The following ZNF385A variants were observed in gnomAD, a reference collection of about 807,000 sequenced individuals.
The protein encoded by ZNF385A is zinc finger protein 385A, also known as hematopoietic zinc finger protein.
A neutral mutation model predicts 32.1 loss-of-function variants in ZNF385A; 14 were observed. The observed-to-expected ratio is 0.44, with a 90% confidence interval of 0.29 to 0.68. ZNF385A has a LOEUF of 0.68. ZNF385A is among the 30% of genes least tolerant of loss of function. The pLI, the probability that ZNF385A is intolerant of heterozygous loss-of-function variation, is 0.14. For synonymous variants in ZNF385A, 197 were observed against 202.7 expected, an observed-to-expected ratio of 0.97 and a Z score of 0.24; for missense variants, 406 against 478.4, an observed-to-expected ratio of 0.85 and a Z score of 1.41.
At chr12:54,380,683 C>T (rs1360769858) in intron 1 of ZNF385A, among the ~76,000 whole-genome samples, 6 of 152,204 alleles carry the variant, frequency 3.9e-5, no homozygotes, top group African/African-American at 9.7e-5. Flanking sequence ...TGCACGTTCC[C>T]GAAGGCTAAG....
At chr12:54,385,896 G>A (rs1035596600), upstream of ZNF385A, 1 of 153,470 alleles carries the variant, frequency 6.5e-6, no homozygotes, top group East Asian at 1.9e-4. Flanking sequence ...GAGGCGACAG[G>A]GAGGGGGTGG....
At chr12:54,388,796 G>C (rs1225071168), upstream of ZNF385A, among the ~76,000 whole-genome samples, 1 of 152,140 alleles carries the variant, frequency 6.6e-6, no homozygotes, top group Non-Finnish European at 1.5e-5. Flanking sequence ...TTGAGGGCGG[G>C]GGTGGGAGGA....
At chr12:54,391,289 G>A (rs1955635829) in exon 1 of ZNF385A, 1 of 1,350,974 alleles carries the variant, frequency 7.4e-7, no homozygotes, top group Non-Finnish European at 9.6e-7. Flanking sequence ...TCTGTCCCGG[G>A]GGCCGTTCTG....
chr12:54,370,989 C>T lies in ZNF385A; in HGVS notation c.712G>A (p.Asp238Asn), dbSNP rs902502019. 18 of 1,614,182 alleles carry T rather than the reference C, an allele frequency of 1.1e-5. No homozygotes were observed. Among genetic ancestry groups the T allele is most frequent in the Non-Finnish European group, 1.5e-5 (18 of 1,180,030 alleles). The change falls in exon 5 of 7, where the codon GAC becomes AAC. Residue 238 changes from aspartate to asparagine, a missense_variant. Transcript: ENST00000394313. This position sits in a 1 kb window ranked among gnomAD's most constrained non-coding sequence, Gnocchi z 5.5. ...TPGEPEAPAQ[D>N]RTFHCEICNV... ...CAGATCTCACAGTGGAAAGTTCGGT[C>T]CTGGGCAGGAGCCTCTGGTTCCCCC...
chr12:54,371,402 G>A, intron 4 of ZNF385A, 71 bp downstream of exon 4: 1 of 1,554,742 alleles, frequency 6.4e-7, no homozygotes, highest in Non-Finnish European at 8.6e-7. Context: ...TGGAAGCCAG[G>A]GGCATTAGGA....
upstream of ZNF385A, among the ~76,000 whole-genome samples, chr12:54,387,290 G>A (rs1382144654): frequency 1.3e-5 from 2 of 152,184 alleles, no homozygotes; most frequent in South Asian, 2.1e-4. Flanking sequence ...GGAGGGGAGG[G>A]GAGTGGAGTG....
rs1028750392 is a variant in ZNF385A at position 54,371,055 on chromosome 12, C to T, written c.646G>A (p.Gly216Arg). The change falls in exon 5 of 7, where the codon GGG becomes AGG. Residue 216 changes from glycine to arginine, a missense_variant. Transcript: ENST00000394313. ...KTILEARSGL[G>R]PIKAYPRLGP... is the part of the protein sequence containing the mutation. Reference sequence around the variant, plus strand: ...AGCCGAGGGTAAGCTTTGATGGGCCCGAGCCCACTTCGGGCCTCCAGAATT... The same window carrying T: ...AGCCGAGGGTAAGCTTTGATGGGCCTGAGCCCACTTCGGGCCTCCAGAATT... 1.2e-6 allele frequency: 2 copies of T among 1,613,438 alleles called. No homozygotes were observed. Among genetic ancestry groups the T allele is most frequent in the Non-Finnish European group, 8.5e-7 (1 of 1,179,742 alleles).
chr12:54,384,320 C>T lies in ZNF385A; in HGVS notation c.87+108G>A, dbSNP rs1955352639. 6 of 1,304,156 alleles carry T rather than the reference C, an allele frequency of 4.6e-6. No homozygotes were observed. The South Asian group carries it at 6.2e-5, about 14-fold the overall frequency. 80.8% of individuals were successfully genotyped at this position (1,304,156 alleles called of 1,614,324 possible). ...TAACTAGAATTAAGGAAGATGGGGT[C>T]ATAAGAGGAGATAAGGAATTAGAAA... On this transcript the variant is annotated intron_variant, in intron 1 of 6. Transcript: ENST00000394313.
chr12:54,387,145 G>A (rs563164857), upstream of ZNF385A, among the ~76,000 whole-genome samples: 6 of 152,356 alleles, frequency 3.9e-5, no homozygotes, highest in Admixed American at 1.3e-4. Context: ...GGGAGAGCAG[G>A]TTCCATGCAC....
chr12:54,383,753 G>A (rs1271362748), intron 1 of ZNF385A, among the ~76,000 whole-genome samples: 4 of 152,156 alleles, frequency 2.6e-5, no homozygotes, highest in Non-Finnish European at 5.9e-5. Context: ...AAATTAGCCC[G>A]GTGTGGTGGC....
At chr12:54,381,249 C>T (rs943665636) in intron 1 of ZNF385A, 5 of 151,248 alleles carry the variant, frequency 3.3e-5, no homozygotes, top group Non-Finnish European at 7.4e-5. Context: ...AAAAACTATC[C>T]CATTCTACAG....
chr12:54,375,936 C>T lies in ZNF385A; in HGVS notation c.106G>A (p.Ala36Thr), dbSNP rs1305281660. 3.1e-6 allele frequency: 5 copies of T among 1,614,004 alleles called. No individual in the cohort carries two copies. In the African/African-American group the frequency reaches 6.7e-5, roughly 22 times the overall value. ...CCCCCAAAAGTGTGGGAGAGCACAG[C>T]CTTCTGCACAGGGTCCATCTGTGGA... ...NYSTMDPVQK[A>T]VLSHTFGGPL... is the part of the protein sequence containing the mutation. Residue 36 changes from alanine (A) to threonine (T), a missense_variant, in exon 2 of 7, where the codon GCT becomes ACT. Ala to Thr is a moderately conservative substitution (Grantham distance 58). Transcript: ENST00000394313.
chr12:54,374,072 C>A lies in ZNF385A; in HGVS notation c.262G>T (p.Ala88Ser). ...CCAGGCTCCCTGCCTCTGGTCTTGG[C>A]AGCCTCAATGCCTTTGACTCGTCGG... ...HARRVKGIEA[A>S]KTRGREPGVR... The change falls in exon 3 of 7, where the codon GCC (alanine) becomes TCC (serine). Residue 88 changes from alanine to serine, a missense_variant. By Grantham distance (99) the Ala-to-Ser change is moderately conservative. Transcript: ENST00000394313. The A allele has an allele frequency of 6.2e-7, 1 of 1,603,442 alleles. No homozygotes were observed. Among genetic ancestry groups the A allele is most frequent in the Non-Finnish European group, 8.5e-7 (1 of 1,173,002 alleles).
At chr12:54,374,533 C>T (rs567441778) in intron 2 of ZNF385A, among the ~76,000 whole-genome samples, 1 of 152,298 alleles carries the variant, frequency 6.6e-6, no homozygotes, top group East Asian at 1.9e-4. Flanking sequence ...AAGTCCTCTG[C>T]CCCTAGGATC....
intron 2 of ZNF385A, among the ~76,000 whole-genome samples, chr12:54,374,882 C>T (rs548583836): frequency 1.3e-5 from 2 of 152,152 alleles, no homozygotes; most frequent in African/African-American, 4.8e-5. Flanking sequence ...AGGCCTGATG[C>T]TGGGTTAGTC....
At chr12:54,386,376 G>A (rs762438078), upstream of ZNF385A, among the ~76,000 whole-genome samples, 17 of 152,102 alleles carry the variant, frequency 1.1e-4, no homozygotes, top group Non-Finnish European at 1.9e-4. Context: ...CTGCCGAAAA[G>A]CTGGACACAG....
upstream of ZNF385A, among the ~76,000 whole-genome samples, chr12:54,387,026 G>A (rs1202597211): frequency 6.6e-6 from 1 of 152,196 alleles, no homozygotes; most frequent in Non-Finnish European, 1.5e-5. Context: ...ATCAAGATCT[G>A]CTGGACTCTA....
Position 54,382,049 on chromosome 12 carries a change from AT to A in ZNF385A, c.87+2378del, listed in dbSNP as rs891767568. On this transcript the variant is annotated intron_variant, in intron 1 of 6. Coordinates refer to ENST00000394313, the MANE Select transcript of ZNF385A (RefSeq NM_015481.3). The stretch of plus-strand genomic sequence containing the variant: ...AGCACATAGTAGGTGCTCAAAAAAA[AT>A]TTTTTTTTTGTTAAATTGAATTTTT... Among the ~76,000 whole-genome samples the A allele has an allele frequency of 1.6e-3, 240 of 149,526 alleles. 1 individual carries two copies. The highest frequency in any genetic ancestry group is 6.8e-3 in the Middle Eastern group (2 of 292).
chr12:54,375,006 CA>C, intron 2 of ZNF385A, among the ~76,000 whole-genome samples: 1 of 152,016 alleles, frequency 6.6e-6, no homozygotes. Flanking sequence ...TGTGGATAGG[CA>C]GGAAAAGAAG....
Sources: gnomAD v4.1 joint callset for allele counts (sites outside exome capture counted in the v4.1 genomes callset) on GRCh38, gnomAD v4.1.1 for gene constraint, Gnocchi (gnomAD v3.1) non-coding constraint, MANE v1.5 for transcripts, NCBI Gene and HGNC (gene_info 2026-07-23, HGNC 2026-07-21) for gene names.